Variants in ASCC1 observed in about 807,000 individuals in gnomAD.
The protein encoded by ASCC1 is activating signal cointegrator 1 complex subunit 1.
A neutral mutation model predicts 46.6 loss-of-function variants in ASCC1; 35 were observed. The ratio of observed to expected loss-of-function variants is 0.75; its 90% CI spans 0.57 to 0.99. The LOEUF is 0.99. ASCC1 is among the 50% of genes least tolerant of loss of function. The probability of loss-of-function intolerance (pLI) is 0.00; values close to 1 mark genes in which losing one functional copy is unlikely to be tolerated. For synonymous variants in ASCC1, 143 were observed against 146.6 expected, an observed-to-expected ratio of 0.98 and a Z score of 0.18; for missense variants, 376 against 428.7, an observed-to-expected ratio of 0.88 and a Z score of 1.09.
rs1857980279 is a variant in ASCC1 at position 72,210,842 on chromosome 10, A to G, written c.113-11T>C. 4 of 1,612,576 alleles carry G rather than the reference A, an allele frequency of 2.5e-6. No homozygotes were observed. The highest frequency in any genetic ancestry group is 2.7e-5 in the African/African-American group (2 of 74,838). ...CACACTCCATGGAGCCTGCACAGAAACCATCACATCTCACTCAGAAACAAT... is the reference window on the plus strand; with the variant it reads ...CACACTCCATGGAGCCTGCACAGAAGCCATCACATCTCACTCAGAAACAAT... On this transcript the variant is annotated splice_polypyrimidine_tract_variant and intron_variant, in intron 2 of 9. Coordinates refer to ENST00000672957, the MANE Select transcript of ASCC1 (RefSeq NM_001198800.3).
At position 72,203,544 on chromosome 10, in the gene ASCC1, AAAG is replaced by A. The variant is rs1048893475; in HGVS notation, c.213-23_213-21del. The A allele has an allele frequency of 6.6e-7, 1 of 1,524,662 alleles. No individual in the cohort carries two copies. Among genetic ancestry groups the A allele is most frequent in the Non-Finnish European group, 9.1e-7 (1 of 1,100,718 alleles). 94.4% of individuals were successfully genotyped at this position (1,524,662 alleles called of 1,614,324 possible). Reference sequence around the variant, plus strand: ...ATATGCCTGTAACATAAAGTAATTAAAAGAAGATTAAGTCAAAATGTACCAAAA... The same window carrying A: ...ATATGCCTGTAACATAAAGTAATTAAAAGATTAAGTCAAAATGTACCAAAA... On this transcript the variant is annotated intron_variant, in intron 3 of 9. Coordinates refer to ENST00000672957, the MANE Select transcript of ASCC1 (RefSeq NM_001198800.3).
chr10:72,185,199 C>A (rs1853274164), intron 5 of ASCC1, among the ~76,000 whole-genome samples: 3 of 152,184 alleles, frequency 2.0e-5, no homozygotes, highest in African/African-American at 7.2e-5. Flanking sequence ...GGCACAACCA[C>A]CTTGGGAAAA....
intron 5 of ASCC1, among the ~76,000 whole-genome samples, chr10:72,165,708 T>G (rs1442565495): frequency 1.3e-5 from 2 of 152,216 alleles, no homozygotes; most frequent in Non-Finnish European, 1.5e-5. Context: ...CAACCCAAAT[T>G]GCCTAATTTA....
chr10:72,102,117 C>T (rs772026308), intron 9 of ASCC1, among the ~76,000 whole-genome samples: 3 of 151,544 alleles, frequency 2.0e-5, no homozygotes, highest in Non-Finnish European at 4.4e-5. Flanking sequence ...CAAACCTTCA[C>T]ATGTACCCCC....
chr10:72,112,854 G>A (rs574990320), intron 9 of ASCC1, among the ~76,000 whole-genome samples: 53 of 142,070 alleles, frequency 3.7e-4, no homozygotes, highest in African/African-American at 1.3e-3. Flanking sequence ...CCCCAGCCTG[G>A]GCAACAGAGC....
chr10:72,117,224 G>C (rs1843596567), intron 9 of ASCC1, among the ~76,000 whole-genome samples: 1 of 152,174 alleles, frequency 6.6e-6, no homozygotes, highest in Non-Finnish European at 1.5e-5. Context: ...AGTTTTATAA[G>C]TCTGTTTGCT....
chr10:72,209,397 A>C (rs1281182731), intron 3 of ASCC1, among the ~76,000 whole-genome samples: 2 of 151,956 alleles, frequency 1.3e-5, no homozygotes, highest in Non-Finnish European at 2.9e-5. Context: ...TGAAAGGATC[A>C]CTTTACCCCG....
intron 5 of ASCC1, among the ~76,000 whole-genome samples, chr10:72,178,075 CCAAA>C (rs1292142220): frequency 2.6e-5 from 4 of 151,920 alleles, no homozygotes; most frequent in African/African-American, 7.3e-5. Flanking sequence ...AAGTCTGCTA[CCAAA>C]CAAAGAGGAA....
intron 5 of ASCC1, chr10:72,189,820 AAAAG>A (rs1854128370): frequency 2.5e-6 from 1 of 402,262 alleles, no homozygotes. Flanking sequence ...AAAAAAAAAA[AAAAG>A]AACCAAAGAC....
At chr10:72,171,583 TG>T (rs1316492453) in intron 5 of ASCC1, among the ~76,000 whole-genome samples, 1 of 152,122 alleles carries the variant, frequency 6.6e-6, no homozygotes, top group Non-Finnish European at 1.5e-5. Flanking sequence ...CCCGCCACCA[TG>T]TCCAGCTAAT....
intron 2 of ASCC1, 21 bp downstream of exon 2, chr10:72,213,166 C>A: frequency 6.5e-7 from 1 of 1,542,536 alleles, no homozygotes; most frequent in Non-Finnish European, 9.0e-7. Flanking sequence ...TCTTATCTGA[C>A]CAAAGAGCAA....
intron 5 of ASCC1, among the ~76,000 whole-genome samples, chr10:72,172,774 T>TTATATATTTTTATATTATATATTATA (rs1851309610): frequency 1.2e-4 from 6 of 51,734 alleles, no homozygotes; most frequent in Admixed American, 2.2e-4. Context: ...ATATATTATA[T>TTATATATTTTTATATTATATATTATA]TTTTTATATT....
At chr10:72,181,768 C>T (rs914089193) in intron 5 of ASCC1, among the ~76,000 whole-genome samples, 1 of 151,992 alleles carries the variant, frequency 6.6e-6, no homozygotes, top group Admixed American at 6.6e-5. Flanking sequence ...TCATTGCAAC[C>T]TTCACCTCCC....
chr10:72,216,959 C>G (rs75786221), upstream of ASCC1: 1 of 456,060 alleles, frequency 2.2e-6, no homozygotes, highest in South Asian at 1.5e-5. Flanking sequence ...AGAAAAAAAT[C>G]CATAATGATC....
intron 5 of ASCC1, among the ~76,000 whole-genome samples, chr10:72,195,502 C>T (rs529254489): frequency 6.6e-6 from 1 of 151,052 alleles, no homozygotes; most frequent in East Asian, 1.9e-4. Context: ...AGAATGATTA[C>T]GCTTTCAAAA....
intron 9 of ASCC1, among the ~76,000 whole-genome samples, chr10:72,123,238 C>T (rs1024404499): frequency 2.6e-5 from 4 of 151,188 alleles, no homozygotes; most frequent in African/African-American, 9.7e-5. Flanking sequence ...GCTGGGGAGG[C>T]TGAGGCAGGA....
chr10:72,168,399 C>CA (rs1427756939), intron 5 of ASCC1, among the ~76,000 whole-genome samples: 2 of 152,082 alleles, frequency 1.3e-5, no homozygotes, highest in Non-Finnish European at 2.9e-5. Context: ...ATCAAACTGA[C>CA]AAAAAATCAA....
intron 4 of ASCC1, chr10:72,198,433 C>A: frequency 2.7e-6 from 1 of 369,084 alleles, no homozygotes; most frequent in Non-Finnish European, 5.2e-6. Flanking sequence ...AGAAAGAAGG[C>A]AAGGCATGCT....
intron 5 of ASCC1, among the ~76,000 whole-genome samples, chr10:72,179,252 T>C (rs891964502): frequency 1.3e-5 from 2 of 152,126 alleles, no homozygotes; most frequent in African/African-American, 2.4e-5. Context: ...TCACCTGCCT[T>C]GGCCTCCCAA....
Sources: allele counts gnomAD v4.1 joint callset (sites outside exome capture counted in the v4.1 genomes callset), GRCh38; gene constraint gnomAD v4.1.1; transcripts MANE v1.5; gene names NCBI Gene and HGNC (gene_info 2026-07-23, HGNC 2026-07-21).